Variants in PLEKHM2 observed in about 807,000 individuals in gnomAD.
PLEKHM2 encodes the protein pleckstrin homology domain-containing family M member 2.
A neutral mutation model predicts 116.3 loss-of-function variants in PLEKHM2; 77 were observed. That is an observed-to-expected ratio of 0.66 (90% CI 0.55 to 0.80). PLEKHM2 has a LOEUF of 0.80. Among genes scored for constraint, PLEKHM2 ranks in the 30% least tolerant of loss-of-function variants. The probability of loss-of-function intolerance (pLI) is 0.00; values close to 1 mark genes in which losing one functional copy is unlikely to be tolerated. For missense variants in PLEKHM2, 1,183 were observed against 1,354.9 expected (o/e 0.87, Z 1.99); for synonymous variants, 562 against 571.0 (o/e 0.98, Z 0.22).
chr1:15,727,133 G>C lies in PLEKHM2; in HGVS notation c.1061G>C (p.Arg354Pro), dbSNP rs751121316. The C allele has an allele frequency of 4.0e-5, 64 of 1,590,438 alleles. No homozygotes were observed. The highest frequency in any genetic ancestry group is 5.3e-5 in the Non-Finnish European group (62 of 1,167,950). ...GCCAAGCAGGGGGACGGTGACAGCC[G>C]CAACGGCAGCCCAAGCCTTGGGCGG... ...KCAKQGDGDS[R>P]NGSPSLGRDS... is the part of the protein sequence containing the mutation. Residue 354 changes from arginine (R) to proline (P), a missense_variant, in exon 9 of 20, where the codon CGC becomes CCC. Arg to Pro is a moderately radical substitution (Grantham distance 103). This residue lies in a region of PLEKHM2 where 372 missense variants were observed against 357.2 expected (regional missense o/e 1.04). Coordinates refer to ENST00000375799, the MANE Select transcript of PLEKHM2 (RefSeq NM_015164.4). This position sits in a 1 kb window ranked among gnomAD's most constrained non-coding sequence, Gnocchi z 7.5.
chr1:15,704,200 CTT>C (rs1273857348), intron 1 of PLEKHM2, among the ~76,000 whole-genome samples: 3 of 143,564 alleles, frequency 2.1e-5, no homozygotes, highest in Admixed American at 2.0e-4. Context: ...TGGGCAAGGA[CTT>C]TATTTCTTTA....
At chr1:15,694,410 G>C (rs1228548750) in intron 1 of PLEKHM2, among the ~76,000 whole-genome samples, 1 of 152,052 alleles carries the variant, frequency 6.6e-6, no homozygotes, top group Non-Finnish European at 1.5e-5. Context: ...CCTGGGATCT[G>C]GGAACTGCCA....
chr1:15,722,613 G>A (rs1370075615), intron 7 of PLEKHM2: 1 of 152,164 alleles, frequency 6.6e-6, no homozygotes, highest in Non-Finnish European at 1.5e-5. Context: ...CTGAGTAATG[G>A]GTGACAGGTG....
At position 15,734,029 on chromosome 1, in the gene PLEKHM2, A is replaced by G; in HGVS notation, c.*95A>G. ...GCTGTTGTCATGCTGTCGGGAGCCT[A>G]CAGTCCACCCCTGCCCTGGGCGGCA... On this transcript the variant is annotated 3_prime_UTR_variant, in exon 20 of 20. Transcript: ENST00000375799. 7.2e-7 allele frequency: 1 copy of G among 1,387,386 alleles called. No homozygotes were observed. The highest frequency in any genetic ancestry group is 9.7e-7 in the Non-Finnish European group (1 of 1,029,780). The allele number at this position is 1,387,386 out of a possible 1,614,324, so 85.9% of individuals were successfully genotyped here.
At chr1:15,716,108 A>C in intron 1 of PLEKHM2, 129 bp from the exon 2 acceptor site, 1 of 612,130 alleles carries the variant, frequency 1.6e-6, no homozygotes. Flanking sequence ...GGTTTGAGGT[A>C]GACGTCTCTG....
chr1:15,724,875 T>C (rs1447069670), intron 7 of PLEKHM2, among the ~76,000 whole-genome samples: 3 of 152,102 alleles, frequency 2.0e-5, no homozygotes, highest in African/African-American at 4.8e-5. Flanking sequence ...GGTATGGGGC[T>C]AACGGGGCTG....
intron 1 of PLEKHM2, among the ~76,000 whole-genome samples, chr1:15,703,085 A>G (rs1285592708): frequency 6.6e-6 from 1 of 152,158 alleles, no homozygotes; most frequent in East Asian, 1.9e-4. Flanking sequence ...TGTCCTGCTG[A>G]GGCTCTTCCA....
intron 6 of PLEKHM2, chr1:15,720,387 G>A (rs1221691645): frequency 1.0e-6 from 1 of 985,126 alleles, no homozygotes; most frequent in Non-Finnish European, 1.2e-6. Context: ...TTGCCACTGT[G>A]TCCTGTGTGT....
At chr1:15,687,775 C>T (rs891525097) in intron 1 of PLEKHM2, among the ~76,000 whole-genome samples, 9 of 152,184 alleles carry the variant, frequency 5.9e-5, no homozygotes, top group Admixed American at 5.2e-4. Flanking sequence ...GTCTTGGGGT[C>T]AGATTTGTCC....
chr1:15,703,451 C>T (rs1479458970), intron 1 of PLEKHM2, among the ~76,000 whole-genome samples: 5 of 152,188 alleles, frequency 3.3e-5, no homozygotes, highest in South Asian at 4.1e-4. Context: ...GAATCCAGAT[C>T]GCCCCTCTTT....
At chr1:15,687,169 G>GTTTTTT (rs1489902391) in intron 1 of PLEKHM2, among the ~76,000 whole-genome samples, 2 of 151,684 alleles carry the variant, frequency 1.3e-5, no homozygotes, top group Non-Finnish European at 2.9e-5. Context: ...TTTGTTTTTT[G>GTTTTTT]TTTTTTGTTT....
chr1:15,693,028 C>G (rs1418034729), intron 1 of PLEKHM2, among the ~76,000 whole-genome samples: 1 of 148,678 alleles, frequency 6.7e-6, no homozygotes, highest in Non-Finnish European at 1.5e-5. Flanking sequence ...CGCGAGCCAC[C>G]GTGCCTAGCC....
chr1:15,727,615 C>CGGCCCCTA lies in PLEKHM2; in HGVS notation c.1545_1552dup (p.Glu518GlyfsTer3). The CGGCCCCTA allele has an allele frequency of 1.9e-6, 3 of 1,586,688 alleles. No homozygotes were observed. Among genetic ancestry groups the CGGCCCCTA allele is most frequent in the Non-Finnish European group, 2.6e-6 (3 of 1,167,186 alleles). ...AGGAGGAGGAGAGGGACAGACGCCT[C>CGGCCCCTA]GGCCCCTAGAGGATACCACGAGGGA... On this transcript the variant is annotated frameshift_variant, in exon 9 of 20. Coordinates refer to ENST00000375799, the MANE Select transcript of PLEKHM2 (RefSeq NM_015164.4). LOFTEE classifies it high-confidence loss of function. This position sits in a 1 kb window ranked among gnomAD's most constrained non-coding sequence, Gnocchi z 7.5.
upstream of PLEKHM2, among the ~76,000 whole-genome samples, chr1:15,682,450 CA>C (rs58913655): frequency 4.6e-3 from 526 of 114,214 alleles, no homozygotes; most frequent in African/African-American, 0.012. Context: ...GACTCCGCCT[CA>C]AAAAAAAAAA....
chr1:15,705,268 T>C (rs1641203083), intron 1 of PLEKHM2, among the ~76,000 whole-genome samples: 1 of 134,638 alleles, frequency 7.4e-6, no homozygotes, highest in African/African-American at 2.8e-5. Context: ...AACCTCTACC[T>C]CCCAGACTCA....
intron 1 of PLEKHM2, among the ~76,000 whole-genome samples, chr1:15,707,659 T>G (rs146894171): frequency 1.3e-5 from 2 of 152,304 alleles, no homozygotes; most frequent in African/African-American, 4.8e-5. Context: ...AATGAACTTC[T>G]TCCCAGAAGT....
At chr1:15,704,677 G>T (rs1392801445) in intron 1 of PLEKHM2, among the ~76,000 whole-genome samples, 4 of 152,086 alleles carry the variant, frequency 2.6e-5, no homozygotes, top group African/African-American at 4.8e-5. Flanking sequence ...CCTGCCCTCC[G>T]TGATGAGTGC....
At chr1:15,686,648 A>ATTTTTTTTTTTTTTTTTTTTTTTTTT (rs1233033159) in intron 1 of PLEKHM2, among the ~76,000 whole-genome samples, 11 of 134,216 alleles carry the variant, frequency 8.2e-5, no homozygotes, top group African/African-American at 3.3e-4. Context: ...ACCCGGCTAA[A>ATTTTTTTTTTTTTTTTTTTTTTTTTT]TTTTTTTTTT....
intron 1 of PLEKHM2, among the ~76,000 whole-genome samples, chr1:15,712,707 T>G (rs1641359684): frequency 6.8e-6 from 1 of 147,642 alleles, no homozygotes. Flanking sequence ...GTGGTGCCAT[T>G]ACAGCTCACT....
Sources: allele counts gnomAD v4.1 joint callset (sites outside exome capture counted in the v4.1 genomes callset), GRCh38; gene constraint gnomAD v4.1.1; regional missense constraint gnomAD v4.1.1; non-coding constraint Gnocchi (gnomAD v3.1); transcripts MANE v1.5; gene names NCBI Gene and HGNC (gene_info 2026-07-23, HGNC 2026-07-21).